SNF8: variants seen among roughly 807,000 people sequenced by gnomAD.
SNF8 encodes SNF8 subunit of ESCRT-II.
In SNF8, 19 loss-of-function variants were observed where a neutral mutation model predicts 36.8. The ratio of observed to expected loss-of-function variants is 0.52; its 90% confidence interval spans 0.36 to 0.76. The LOEUF (loss-of-function observed/expected upper bound fraction) is 0.76. Ranked by LOEUF, SNF8 falls within the 30% of genes least tolerant of loss-of-function variation. The pLI is 0.00. For synonymous variants in SNF8, 127 were observed against 127.4 expected, an observed-to-expected ratio of 1.00 and a Z score of 0.02; for missense variants, 268 against 322.9, an observed-to-expected ratio of 0.83 and a Z score of 1.30.
At chr17:48,939,494 C>T (rs1379502631) in intron 3 of SNF8, among the ~76,000 whole-genome samples, 2 of 143,830 alleles carry the variant, frequency 1.4e-5, no homozygotes, top group African/African-American at 5.1e-5. Context: ...GAGTCTCGCT[C>T]TGTTGCCTGG....
intron 1 of SNF8, 66 bp downstream of exon 1, chr17:48,944,615 G>A (rs1484100058): frequency 1.3e-6 from 2 of 1,539,770 alleles, no homozygotes; most frequent in Non-Finnish European, 1.8e-6. Context: ...GTAGGACACT[G>A]CTCCGGGACA....
rs778927319 is a variant in SNF8, at chr17:48,944,671, T to C, written c.54+10A>G. The C allele has an allele frequency of 8.7e-6, 14 of 1,612,832 alleles. No individual in the cohort carries two copies. The South Asian group carries it at 1.4e-4, about 16-fold the overall frequency. On this transcript the variant is annotated intron_variant, in intron 1 of 7. Coordinates refer to ENST00000502492, the MANE Select transcript of SNF8 (RefSeq NM_007241.4). ...GGGGCAGGTTGTGGGTCGGCCTTCT[T>C]CCTGCTCACCTCTGCAAGTTTCTTC...
chr17:48,941,108 T>C, intron 2 of SNF8, 46 bp from the exon 3 acceptor site: 2 of 1,600,012 alleles, frequency 1.2e-6, no homozygotes, highest in Non-Finnish European at 1.7e-6. Context: ...AGCCAAATGA[T>C]AATCAGATGC....
Position 48,930,274 on chromosome 17 carries a change from A to T in SNF8, c.*201T>A. ...ATATGTGCTTGCCGTTCTCTGTGTT[A>T]ATCAGATTATGCTTACTGAACGAGC... On this transcript the variant is annotated 3_prime_UTR_variant, in exon 8 of 8. Coordinates refer to ENST00000502492, the MANE Select transcript of SNF8 (RefSeq NM_007241.4). The T allele has an allele frequency of 2.0e-6, 1 of 495,416 alleles. No individual in the cohort carries two copies. The highest frequency in any genetic ancestry group is 3.5e-6 in the Non-Finnish European group (1 of 285,526). The allele number at this position is 495,416 out of a possible 1,614,324, so 30.7% of individuals were successfully genotyped here.
intron 1 of SNF8, 79 bp from the exon 2 acceptor site, chr17:48,944,054 AG>A: frequency 1.4e-6 from 2 of 1,408,528 alleles, no homozygotes; most frequent in Non-Finnish European, 2.0e-6. Flanking sequence ...CTGTAATCCC[AG>A]AACTTTGGGA....
intron 3 of SNF8, among the ~76,000 whole-genome samples, chr17:48,938,507 A>AG (rs1170249725): frequency 1.3e-5 from 2 of 151,502 alleles, no homozygotes; most frequent in African/African-American, 4.8e-5. Context: ...AAAAAAAAAA[A>AG]AAAAAAGAAA....
chr17:48,934,027 A>G (rs935013879), intron 5 of SNF8, among the ~76,000 whole-genome samples: 6 of 152,266 alleles, frequency 3.9e-5, no homozygotes, highest in African/African-American at 1.2e-4. Context: ...CCAAGTGGCA[A>G]TTCAAACCCA....
intron 1 of SNF8, 23 bp downstream of exon 1, chr17:48,944,658 G>GCA: frequency 6.2e-7 from 1 of 1,611,478 alleles, no homozygotes; most frequent in Non-Finnish European, 8.5e-7. Context: ...GGCAGGTTGT[G>GCA]GGTCGGCCTT....
Position 48,929,724 on chromosome 17 carries a change from TTTGA to T in SNF8, c.*747_*750del, listed in dbSNP as rs1303745570. The T allele has an allele frequency of 2.0e-5, 3 of 152,142 alleles. No homozygotes were observed. Among genetic ancestry groups the T allele is most frequent in the Middle Eastern group, 3.1e-3 (1 of 318 alleles). 9.4% of individuals were successfully genotyped at this position (152,142 alleles called of 1,614,324 possible). On this transcript the variant is annotated 3_prime_UTR_variant, in exon 8 of 8. Transcript: ENST00000502492. ...AAGCTGGCGGCCCCTGGCAAATTAC[TTTGA>T]TTGAATCACCTGTGATGTTGAAGGC...
At chr17:48,935,962 G>A (rs59409051) in intron 5 of SNF8, 5,482 of 484,972 alleles carry the variant, frequency 0.011, 275 homozygotes, top group African/African-American at 0.099. Context: ...GCAGTAAGCT[G>A]TGATCATGCC....
At chr17:48,940,714 CG>C (rs2041009055) in intron 3 of SNF8, among the ~76,000 whole-genome samples, 2 of 151,996 alleles carry the variant, frequency 1.3e-5, no homozygotes, top group Non-Finnish European at 2.9e-5. Flanking sequence ...GGCGTGAACC[CG>C]GGAGGCAGAG....
rs947683100 is a variant in SNF8, at chr17:48,933,689, G to A, written c.423-343C>T. ...TTCAAGGCTGCAGTGAGCTGTGATT[G>A]TGCACCACTGTACTCCAGCCTGGGT... On this transcript the variant is annotated intron_variant, in intron 5 of 7. Coordinates refer to ENST00000502492, the MANE Select transcript of SNF8 (RefSeq NM_007241.4). 1.4e-4 allele frequency: 35 copies of A among 246,522 alleles called. No homozygotes were observed. In the Admixed American group the frequency reaches 1.5e-3, roughly 10 times the overall value. The allele number at this position is 246,522 out of a possible 1,614,324, so 15.3% of individuals were successfully genotyped here.
At chr17:48,944,027 G>C (rs1157580927) in intron 1 of SNF8, 52 bp from the exon 2 acceptor site, 1 of 1,570,108 alleles carries the variant, frequency 6.4e-7, no homozygotes, top group Admixed American at 1.7e-5. Context: ...CTGGAGGCCA[G>C]GCGCGGTGGC....
intron 3 of SNF8, among the ~76,000 whole-genome samples, chr17:48,937,583 T>G (rs1309073006): frequency 6.7e-6 from 1 of 149,386 alleles, no homozygotes; most frequent in Non-Finnish European, 1.5e-5. Flanking sequence ...TGAGCCAAGA[T>G]CGCGCCACCA....
Position 48,940,518 on chromosome 17 carries a change from C to T in SNF8, c.244+406G>A, listed in dbSNP as rs549027648. Among the ~76,000 whole-genome samples the T allele has an allele frequency of 2.1e-3, 321 of 152,064 alleles. 1 individual carries two copies. Among genetic ancestry groups the T allele is most frequent in the African/African-American group, 7.5e-3 (310 of 41,482 alleles). On this transcript the variant is annotated intron_variant, in intron 3 of 7. Coordinates refer to ENST00000502492, the MANE Select transcript of SNF8 (RefSeq NM_007241.4). ...TAAAGACGACACCCTTGGCCAGGCG[C>T]AGTGGCTCATGCAGGTAATCCCAGC... is the stretch of plus-strand genomic sequence containing the variant.
intron 2 of SNF8, among the ~76,000 whole-genome samples, chr17:48,942,412 G>C (rs1286115900): frequency 1.3e-5 from 2 of 151,520 alleles, no homozygotes; most frequent in Non-Finnish European, 2.9e-5. Flanking sequence ...CATCTCCCCT[G>C]TGAGTGGGTG....
chr17:48,943,846 A>T, intron 2 of SNF8, 79 bp downstream of exon 2: 1 of 1,289,030 alleles, frequency 7.8e-7, no homozygotes. Context: ...CAATCTACAC[A>T]ATCAAGTTCG....
intron 3 of SNF8, among the ~76,000 whole-genome samples, chr17:48,939,704 C>T (rs573054660): frequency 1.3e-4 from 20 of 151,986 alleles, no homozygotes; most frequent in African/African-American, 2.9e-4. Context: ...ATGATCTGCC[C>T]GCCTCAGCCT....
At chr17:48,936,016 T>G in intron 5 of SNF8, 154 bp downstream of exon 5, 1 of 543,682 alleles carries the variant, frequency 1.8e-6, no homozygotes, top group Non-Finnish European at 3.2e-6. Context: ...ATCTCTTATT[T>G]TTTGTTTGTT....
Sources: allele counts gnomAD v4.1 joint callset (sites outside exome capture counted in the v4.1 genomes callset), GRCh38; gene constraint gnomAD v4.1.1; transcripts MANE v1.5; gene names NCBI Gene and HGNC (gene_info 2026-07-23, HGNC 2026-07-21).